The following ANO10 variants were observed in gnomAD, a reference collection of about 807,000 sequenced individuals.
ANO10 encodes anoctamin-10.
ANO10 carries 77 observed loss-of-function variants against 74.7 expected under a neutral mutation model. The observed-to-expected ratio is 1.03, with a 90% CI of 0.86 to 1.25. The LOEUF (loss-of-function observed/expected upper bound fraction) is 1.25, where lower values mean the gene tolerates loss of function less well. Among genes scored for constraint, ANO10 ranks in the 50% most tolerant of loss-of-function variants. ANO10 has a pLI of 0.00. For synonymous variants in ANO10, 279 were observed against 284.9 expected, an observed-to-expected ratio of 0.98 and a Z score of 0.21; for missense variants, 721 against 778.1, an observed-to-expected ratio of 0.93 and a Z score of 0.87.
intron 4 of ANO10, among the ~76,000 whole-genome samples, chr3:43,596,282 C>G (rs2082080087): frequency 6.6e-6 from 1 of 152,026 alleles, no homozygotes; most frequent in Admixed American, 6.5e-5. Context: ...CATATGGAAC[C>G]AAAAAAGAAC....
At chr3:43,556,664 C>T (rs2079765668) in intron 9 of ANO10, among the ~76,000 whole-genome samples, 1 of 152,152 alleles carries the variant, frequency 6.6e-6, no homozygotes, top group African/African-American at 2.4e-5. Flanking sequence ...AACCAAGACA[C>T]AATCTACCCT....
In ANO10 at chr3:43,519,954, C is replaced by T. The variant is rs1010244007; in HGVS notation, c.1797+29766G>A. 2.6e-5 allele frequency among the ~76,000 whole-genome samples: 4 copies of T among 152,118 alleles called. No individual in the cohort carries two copies. The South Asian group carries it at 8.3e-4, about 32-fold the overall frequency. ...CAGAATTTCAGAATGTAGAGGTCCA[C>T]AGGAATAACCAATGGCAACCTCCTT... On this transcript the variant is annotated intron_variant, in intron 11 of 12. Coordinates refer to ENST00000292246, the MANE Select transcript of ANO10 (RefSeq NM_018075.5).
At chr3:43,481,577 C>T (rs954834211) in intron 11 of ANO10, among the ~76,000 whole-genome samples, 6 of 152,278 alleles carry the variant, frequency 3.9e-5, no homozygotes, top group Middle Eastern at 6.8e-3. Flanking sequence ...CCAGCATTAA[C>T]ATCAAAACAG....
chr3:43,589,458 G>A (rs1387096249), intron 4 of ANO10, among the ~76,000 whole-genome samples: 14 of 152,180 alleles, frequency 9.2e-5, no homozygotes, highest in East Asian at 3.9e-4. Flanking sequence ...AGGCTGAGGC[G>A]GGTGGATCAT....
intron 12 of ANO10, among the ~76,000 whole-genome samples, chr3:43,402,276 A>T (rs1462622535): frequency 2.0e-5 from 3 of 152,204 alleles, no homozygotes; most frequent in Non-Finnish European, 2.9e-5. Flanking sequence ...CTCCTTTAAG[A>T]AGTGGACATG....
At chr3:43,447,309 G>T (rs143993800) in intron 11 of ANO10, among the ~76,000 whole-genome samples, 1 of 152,148 alleles carries the variant, frequency 6.6e-6, no homozygotes, top group Non-Finnish European at 1.5e-5. Flanking sequence ...TATTAAGCAC[G>T]CATGTACAAT....
intron 11 of ANO10, among the ~76,000 whole-genome samples, chr3:43,488,833 G>T (rs1481414424): frequency 6.6e-6 from 1 of 152,084 alleles, no homozygotes; most frequent in Admixed American, 6.6e-5. Flanking sequence ...TATACCCAAA[G>T]GACTATAAAT....
chr3:43,444,727 C>T (rs1306061486), intron 11 of ANO10, among the ~76,000 whole-genome samples: 4 of 152,160 alleles, frequency 2.6e-5, no homozygotes, highest in Non-Finnish European at 5.9e-5. Flanking sequence ...CTCCTGTGGT[C>T]ACCTGACACA....
At chr3:43,638,060 A>G (rs1575574104) in intron 1 of ANO10, among the ~76,000 whole-genome samples, 2 of 152,330 alleles carry the variant, frequency 1.3e-5, no homozygotes. Context: ...TAATTGAACT[A>G]TAAGTTAAAA....
At chr3:43,688,800 T>C (rs1257195085) in intron 1 of ANO10, among the ~76,000 whole-genome samples, 2 of 149,996 alleles carry the variant, frequency 1.3e-5, no homozygotes, top group Admixed American at 6.7e-5. Flanking sequence ...GCCAAGATCA[T>C]GCCACTGCAC....
At chr3:43,637,151 C>A (rs1337693733) in intron 1 of ANO10, among the ~76,000 whole-genome samples, 1 of 152,034 alleles carries the variant, frequency 6.6e-6, no homozygotes, top group Non-Finnish European at 1.5e-5. Flanking sequence ...GCCTGGGTGA[C>A]AGAGTGAGAC....
intron 12 of ANO10, among the ~76,000 whole-genome samples, chr3:43,428,795 G>GAAAAAAAAAAAAAA (rs1245373022): frequency 5.9e-4 from 2 of 3,414 alleles, no homozygotes; most frequent in Admixed American, 4.8e-3. Flanking sequence ...CTTTGTGAAT[G>GAAAAAAAAAAAAAA]CAAAAAAAAA....
intron 1 of ANO10, among the ~76,000 whole-genome samples, chr3:43,678,323 C>T (rs935447358): frequency 2.0e-5 from 3 of 152,112 alleles, no homozygotes; most frequent in Admixed American, 6.5e-5. Flanking sequence ...GAAGAGACCA[C>T]CCCTCATATT....
chr3:43,656,078 GTGC>G (rs2083846730), intron 1 of ANO10, among the ~76,000 whole-genome samples: 1 of 148,960 alleles, frequency 6.7e-6, no homozygotes, highest in South Asian at 2.2e-4. Context: ...TAGACACAGG[GTGC>G]TGATTGGTGT....
At chr3:43,524,109 T>C (rs969429595) in intron 11 of ANO10, among the ~76,000 whole-genome samples, 4 of 151,936 alleles carry the variant, frequency 2.6e-5, no homozygotes, top group South Asian at 2.1e-4. Flanking sequence ...TAACCAATGA[T>C]TGAATGAAGA....
rs552113164 is a variant in ANO10 at position 43,406,391 on chromosome 3, C to T, written c.1914+26220G>A. ...AAACATCGAGCTATAAATATCATGACGACATTTTTTAGAGGCGCATTTTCA... is the reference window on the plus strand; with the variant it reads ...AAACATCGAGCTATAAATATCATGATGACATTTTTTAGAGGCGCATTTTCA... On this transcript the variant is annotated intron_variant, in intron 12 of 12. Coordinates refer to ENST00000292246, the MANE Select transcript of ANO10 (RefSeq NM_018075.5). Among the ~76,000 whole-genome samples the T allele has an allele frequency of 4.7e-4, 72 of 152,260 alleles. 1 individual carries two copies. Among genetic ancestry groups the T allele is most frequent in the Middle Eastern group, 6.8e-3 (2 of 294 alleles).
At chr3:43,396,627 G>A (rs146244039) in intron 12 of ANO10, among the ~76,000 whole-genome samples, 22 of 151,740 alleles carry the variant, frequency 1.4e-4, no homozygotes, top group Middle Eastern at 3.4e-3. Flanking sequence ...ATGAGCCACC[G>A]CACCCGGCCC....
intron 1 of ANO10, among the ~76,000 whole-genome samples, chr3:43,606,829 C>T (rs2082588648): frequency 1.3e-5 from 2 of 152,020 alleles, no homozygotes; most frequent in Non-Finnish European, 2.9e-5. Flanking sequence ...ACTTCCACTT[C>T]CAGGACAGCA....
intron 12 of ANO10, among the ~76,000 whole-genome samples, chr3:43,413,440 G>T (rs1363559410): frequency 6.6e-6 from 1 of 151,768 alleles, no homozygotes; most frequent in Admixed American, 6.6e-5. Context: ...ATTCTCACAA[G>T]ATCTGGTTGT....
Sources: gnomAD v4.1 joint callset for allele counts (sites outside exome capture counted in the v4.1 genomes callset) on GRCh38, gnomAD v4.1.1 for gene constraint, MANE v1.5 for transcripts, NCBI Gene and HGNC (gene_info 2026-07-23, HGNC 2026-07-21) for gene names.